The following LRRC4C variants were observed in gnomAD, a reference collection of about 807,000 sequenced individuals.
The protein encoded by LRRC4C is leucine rich repeat containing 4C, also known as leucine-rich repeat-containing protein 4C.
A neutral mutation model predicts 33.6 loss-of-function variants in LRRC4C; 5 were observed. The ratio of observed to expected loss-of-function variants is 0.15; its 90% confidence interval spans 0.08 to 0.31. The LOEUF is 0.31. Ranked by LOEUF, LRRC4C falls within the 10% of genes least tolerant of loss-of-function variation. The pLI, the probability that LRRC4C is intolerant of heterozygous loss-of-function variation, is 1.00. For missense variants in LRRC4C, 560 were observed against 796.7 expected, an observed-to-expected ratio of 0.70 and a Z score of 3.58; for synonymous variants, 329 against 302.0, an observed-to-expected ratio of 1.09 and a Z score of -0.93.
chr11:40,994,886 A>G (rs185161804), intron 1 of LRRC4C, among the ~76,000 whole-genome samples: 110 of 151,524 alleles, frequency 7.3e-4, no homozygotes, highest in Non-Finnish European at 1.2e-3. Context: ...GTCCTTCCCC[A>G]TTGTCCCCTC....
At chr11:40,147,110 T>G (rs552581284) in intron 5 of LRRC4C, among the ~76,000 whole-genome samples, 1 of 152,182 alleles carries the variant, frequency 6.6e-6, no homozygotes, top group Non-Finnish European at 1.5e-5. Flanking sequence ...TGCCTCATGT[T>G]GCAAGTGCCT....
chr11:41,010,075 G>A (rs1855063184), intron 1 of LRRC4C, among the ~76,000 whole-genome samples: 2 of 152,134 alleles, frequency 1.3e-5, no homozygotes, highest in African/African-American at 4.8e-5. Context: ...GCAAACACCA[G>A]AAGCTAGAAG....
intron 2 of LRRC4C, among the ~76,000 whole-genome samples, chr11:40,805,066 A>T (rs1951187408): frequency 6.6e-6 from 1 of 152,226 alleles, no homozygotes; most frequent in Non-Finnish European, 1.5e-5. Context: ...CCATGCTACA[A>T]GGAATGCTTT....
chr11:41,135,042 G>T (rs1384603928), intron 1 of LRRC4C, among the ~76,000 whole-genome samples: 2 of 151,354 alleles, frequency 1.3e-5, no homozygotes, highest in Non-Finnish European at 2.9e-5. Context: ...AAATGATTCT[G>T]CCATCACATA....
chr11:41,306,416 G>A (rs891056559), intron 1 of LRRC4C, among the ~76,000 whole-genome samples: 2 of 152,156 alleles, frequency 1.3e-5, no homozygotes, highest in African/African-American at 4.8e-5. Context: ...CTCCCATTTA[G>A]TATCTACTCC....
At chr11:40,819,967 C>G (rs1043438968) in intron 2 of LRRC4C, among the ~76,000 whole-genome samples, 5 of 151,708 alleles carry the variant, frequency 3.3e-5, no homozygotes, top group African/African-American at 4.8e-5. Context: ...CAGAATTAAT[C>G]CAGAAAAGTG....
intron 3 of LRRC4C, among the ~76,000 whole-genome samples, chr11:40,602,034 CA>C (rs5791388): frequency 2.0e-5 from 3 of 148,730 alleles, no homozygotes; most frequent in South Asian, 2.1e-4. Flanking sequence ...ACTAAAAATA[CA>C]AAAAAAAAAT....
intron 5 of LRRC4C, among the ~76,000 whole-genome samples, chr11:40,208,136 C>T (rs1590712116): frequency 6.6e-6 from 1 of 152,104 alleles, no homozygotes; most frequent in Non-Finnish European, 1.5e-5. Context: ...AATCATGACC[C>T]TTATGCACAT....
chr11:41,046,118 A>T (rs1857761160), intron 1 of LRRC4C, among the ~76,000 whole-genome samples: 1 of 152,112 alleles, frequency 6.6e-6, no homozygotes, highest in African/African-American at 2.4e-5. Flanking sequence ...TGTATGCTTA[A>T]TTTTTTCTTC....
chr11:40,913,039 T>G (rs1435380728), intron 2 of LRRC4C, among the ~76,000 whole-genome samples: 1 of 152,140 alleles, frequency 6.6e-6, no homozygotes, highest in Non-Finnish European at 1.5e-5. Context: ...GCACTCAGAT[T>G]CATAAAGCAA....
At chr11:40,218,746 TCCATCC>T (rs1864188372) in intron 5 of LRRC4C, among the ~76,000 whole-genome samples, 1 of 151,634 alleles carries the variant, frequency 6.6e-6, no homozygotes, top group African/African-American at 2.4e-5. Context: ...TATCTATCCA[TCCATCC>T]ATCTATCCAT....
chr11:41,359,194 G>A (rs1952262489), intron 1 of LRRC4C, among the ~76,000 whole-genome samples: 1 of 152,062 alleles, frequency 6.6e-6, no homozygotes, highest in Non-Finnish European at 1.5e-5. Flanking sequence ...TTAGAGAGAG[G>A]AAGGGATGTA....
At chr11:40,250,936 A>T (rs530473677) in intron 4 of LRRC4C, among the ~76,000 whole-genome samples, 4 of 152,314 alleles carry the variant, frequency 2.6e-5, no homozygotes, top group African/African-American at 9.6e-5. Flanking sequence ...GCCTACATTT[A>T]TCTATTTCCT....
chr11:40,616,434 C>A (rs932521529), intron 3 of LRRC4C, among the ~76,000 whole-genome samples: 7 of 151,780 alleles, frequency 4.6e-5, no homozygotes, highest in Non-Finnish European at 8.8e-5. Flanking sequence ...GATTATAAAT[C>A]ATGCTGCTAT....
At chr11:40,399,270 C>T (rs1464274080) in intron 3 of LRRC4C, among the ~76,000 whole-genome samples, 1 of 152,116 alleles carries the variant, frequency 6.6e-6, no homozygotes, top group East Asian at 1.9e-4. Flanking sequence ...ATAGCAAAGA[C>T]TGGGAACCAA....
intron 1 of LRRC4C, among the ~76,000 whole-genome samples, chr11:41,179,708 C>T (rs1945361763): frequency 6.6e-6 from 1 of 152,164 alleles, no homozygotes; most frequent in African/African-American, 2.4e-5. Context: ...ACAACTGTTT[C>T]CTACAACACA....
At position 40,987,675 on chromosome 11, in the gene LRRC4C, G is replaced by T. The variant is rs1464616608; in HGVS notation, c.-495-53952C>A. 1.8e-3 allele frequency among the ~76,000 whole-genome samples: 119 copies of T among 65,944 alleles called. 5 individuals are homozygous for T. Among genetic ancestry groups the T allele is most frequent in the Admixed American group, 0.014 (107 of 7,770 alleles). The allele number at this position is 65,944 out of a possible 152,430, so 43.3% of individuals were successfully genotyped here. ...TATCTCATATATATGAGATATAAATGATATATATATATATATCTCATATAT... is the reference window on the plus strand; with the variant it reads ...TATCTCATATATATGAGATATAAATTATATATATATATATATCTCATATAT... On this transcript the variant is annotated intron_variant, in intron 1 of 6. Transcript: ENST00000528697.
intron 2 of LRRC4C, among the ~76,000 whole-genome samples, chr11:40,874,793 T>G (rs1461456348): frequency 6.6e-6 from 1 of 152,142 alleles, no homozygotes; most frequent in Non-Finnish European, 1.5e-5. Flanking sequence ...TGCAGCAACA[T>G]AGTATAGTAC....
At chr11:41,180,118 A>G (rs1180769905) in intron 1 of LRRC4C, among the ~76,000 whole-genome samples, 1 of 152,186 alleles carries the variant, frequency 6.6e-6, no homozygotes, top group African/African-American at 2.4e-5. Flanking sequence ...AGTGTGAAAA[A>G]TGTTTCAGAT....
Sources: allele counts gnomAD v4.1 joint callset (sites outside exome capture counted in the v4.1 genomes callset), GRCh38; gene constraint gnomAD v4.1.1; transcripts MANE v1.5; gene names NCBI Gene and HGNC (gene_info 2026-07-23, HGNC 2026-07-21).